IL1RAPL1: variants seen among roughly 807,000 people sequenced by gnomAD.
IL1RAPL1 encodes interleukin-1 receptor accessory protein-like 1.
In IL1RAPL1, 3 loss-of-function variants were observed where a neutral mutation model predicts 48.4. The ratio of observed to expected loss-of-function variants is 0.06; its 90% CI spans 0.03 to 0.16. IL1RAPL1 has a LOEUF of 0.16. Among genes scored for constraint, IL1RAPL1 ranks in the 10% least tolerant of loss-of-function variants. IL1RAPL1 has a pLI of 1.00. For missense variants in IL1RAPL1, 349 were observed against 530.6 expected (o/e 0.66, Z 3.36); for synonymous variants, 185 against 187.7 (o/e 0.99, Z 0.12).
chrX:29,026,667 T>C (rs1365198773), intron 2 of IL1RAPL1, among the ~76,000 whole-genome samples: 1 of 112,175 alleles, frequency 8.9e-6, no homozygotes, highest in East Asian at 2.8e-4. Flanking sequence ...TGATCATATA[T>C]GAATATTTTA....
At chrX:29,748,990 AAG>A (rs1186302168) in intron 6 of IL1RAPL1, among the ~76,000 whole-genome samples, 4 of 112,804 alleles carry the variant, frequency 3.5e-5, no homozygotes, top group African/African-American at 9.6e-5. Flanking sequence ...AAAGAATAGA[AAG>A]AGAATTTAAA....
intron 5 of IL1RAPL1, among the ~76,000 whole-genome samples, chrX:29,419,015 A>T (rs1602226264): frequency 8.9e-6 from 1 of 112,277 alleles, no homozygotes; most frequent in African/African-American, 3.2e-5. Context: ...CTAATTGTAT[A>T]AATGAATGTG....
chrX:29,388,021 C>T (rs1933803392), intron 3 of IL1RAPL1, among the ~76,000 whole-genome samples: 1 of 98,123 alleles, frequency 1.0e-5, no homozygotes, highest in Non-Finnish European at 2.0e-5. Flanking sequence ...AAGAAATATG[C>T]GTTATTTCAA....
intron 5 of IL1RAPL1, among the ~76,000 whole-genome samples, chrX:29,497,653 A>G (rs767055576): frequency 1.5e-3 from 163 of 111,188 alleles, no homozygotes; most frequent in African/African-American, 5.2e-3. Flanking sequence ...ATTATTTTGT[A>G]TATGAAAAAT....
intron 5 of IL1RAPL1, among the ~76,000 whole-genome samples, chrX:29,465,053 C>A (rs1403660318): frequency 1.8e-5 from 2 of 111,918 alleles, no homozygotes; most frequent in Non-Finnish European, 3.8e-5. Flanking sequence ...AAACCTGCAA[C>A]ATGTACCCCT....
At chrX:29,764,495 C>T (rs918946883) in intron 6 of IL1RAPL1, among the ~76,000 whole-genome samples, 2 of 111,626 alleles carry the variant, frequency 1.8e-5, no homozygotes, top group South Asian at 7.5e-4. Flanking sequence ...TGCTACCTTT[C>T]TTAACTTAAT....
intron 5 of IL1RAPL1, among the ~76,000 whole-genome samples, chrX:29,647,247 G>A (rs1329815479): frequency 9.1e-6 from 1 of 109,468 alleles, no homozygotes; most frequent in African/African-American, 3.3e-5. Context: ...CTACTTGGGA[G>A]GCTGAGGCAG....
At chrX:28,709,757 G>A (rs6628375) in intron 1 of IL1RAPL1, among the ~76,000 whole-genome samples, 6,486 of 110,982 alleles carry the variant, frequency 0.058, 384 homozygotes, top group East Asian at 0.32. Context: ...TATGTAGGAG[G>A]TTAGTTGATG....
At chrX:29,411,330 A>C (rs1290559295) in intron 5 of IL1RAPL1, among the ~76,000 whole-genome samples, 4 of 112,429 alleles carry the variant, frequency 3.6e-5, no homozygotes, top group Non-Finnish European at 7.5e-5. Context: ...CAATACCAGT[A>C]TTTTTGATGC....
At chrX:29,318,360 A>C (rs1390946113) in intron 3 of IL1RAPL1, among the ~76,000 whole-genome samples, 2 of 112,674 alleles carry the variant, frequency 1.8e-5, no homozygotes, top group African/African-American at 6.4e-5. Flanking sequence ...TATGCTGTAC[A>C]TTATTTTGAA....
intron 6 of IL1RAPL1, among the ~76,000 whole-genome samples, chrX:29,903,510 A>ATTTTC (rs1203608427): frequency 9.0e-6 from 1 of 110,904 alleles, no homozygotes; most frequent in Non-Finnish European, 1.9e-5. Context: ...TTAGAGGAGA[A>ATTTTC]TTTTCTTTTT....
At position 29,057,189 on chromosome X, in the gene IL1RAPL1, C is replaced by A. The variant is rs750413130; in HGVS notation, c.83-225749C>A. On this transcript the variant is annotated intron_variant, in intron 2 of 10. Transcript: ENST00000378993. ...CCAATGATTAAAATAAAAATGATGA[C>A]CTCATCATGATATTCACATAGCACA... Among the ~76,000 whole-genome samples the A allele has an allele frequency of 2.7e-5, 3 of 111,482 alleles. 1 individual carries two copies. The South Asian group carries it at 1.1e-3, about 42-fold the overall frequency.
chrX:29,156,053 G>T (rs1468533727), intron 2 of IL1RAPL1, among the ~76,000 whole-genome samples: 1 of 110,433 alleles, frequency 9.1e-6, no homozygotes, highest in East Asian at 2.8e-4. Flanking sequence ...CTACCCTCTT[G>T]ACACTATTTC....
chrX:29,249,965 T>C (rs888772059), intron 2 of IL1RAPL1, among the ~76,000 whole-genome samples: 2 of 112,156 alleles, frequency 1.8e-5, no homozygotes, highest in African/African-American at 3.2e-5. Context: ...TTCTAATTGG[T>C]AATGTAAAAT....
intron 2 of IL1RAPL1, among the ~76,000 whole-genome samples, chrX:28,831,026 C>CTCTGTGTGTGTGTG (rs1438889606): frequency 8.9e-5 from 3 of 33,647 alleles, no homozygotes; most frequent in African/African-American, 1.5e-4. Flanking sequence ...CTCTCTCTCT[C>CTCTGTGTGTGTGTG]TGTGTGTGTG....
At chrX:29,442,086 G>A (rs867677858) in intron 5 of IL1RAPL1, among the ~76,000 whole-genome samples, 1 of 111,724 alleles carries the variant, frequency 9.0e-6, no homozygotes, top group Non-Finnish European at 1.9e-5. Flanking sequence ...TTTGTTTTTA[G>A]AGCCTGCATA....
At chrX:29,908,817 T>TATC (rs1408975018) in intron 6 of IL1RAPL1, among the ~76,000 whole-genome samples, 3 of 112,153 alleles carry the variant, frequency 2.7e-5, no homozygotes, top group Admixed American at 9.5e-5. Flanking sequence ...GCAATCAGGT[T>TATC]ATCTTCAAAC....
intron 2 of IL1RAPL1, among the ~76,000 whole-genome samples, chrX:29,112,767 A>G (rs1165692521): frequency 9.4e-6 from 1 of 106,170 alleles, no homozygotes; most frequent in Non-Finnish European, 1.9e-5. Flanking sequence ...GGAAGAAGAA[A>G]GGGTAGAGAA....
intron 6 of IL1RAPL1, among the ~76,000 whole-genome samples, chrX:29,779,528 G>A (rs1456020239): frequency 9.0e-6 from 1 of 110,956 alleles, no homozygotes; most frequent in African/African-American, 3.3e-5. Context: ...GAAATAACCT[G>A]TACACCCAAC....
Sources: allele counts gnomAD v4.1 joint callset (sites outside exome capture counted in the v4.1 genomes callset), GRCh38; gene constraint gnomAD v4.1.1; transcripts MANE v1.5; gene names NCBI Gene and HGNC (gene_info 2026-07-23, HGNC 2026-07-21).